ANKRD30B: variants seen among roughly 807,000 people sequenced by gnomAD.
ANKRD30B encodes ankyrin repeat domain-containing protein 30B.
In ANKRD30B, 144 loss-of-function variants were observed where a neutral mutation model predicts 202.2. That is an observed-to-expected ratio of 0.71 (90% CI 0.62 to 0.82). The LOEUF (loss-of-function observed/expected upper bound fraction) is 0.82, where lower values mean the gene tolerates loss of function less well. Among genes scored for constraint, ANKRD30B ranks in the 40% least tolerant of loss-of-function variants. The probability of loss-of-function intolerance (pLI) is 0.00; values close to 1 mark genes in which losing one functional copy is unlikely to be tolerated. For synonymous variants in ANKRD30B, 508 were observed against 561.3 expected, an observed-to-expected ratio of 0.91 and a Z score of 1.34; for missense variants, 1,487 against 1,669.1, an observed-to-expected ratio of 0.89 and a Z score of 1.90.
At chr18:14,772,877 G>A (rs1281270435) in intron 9 of ANKRD30B, among the ~76,000 whole-genome samples, 4 of 152,190 alleles carry the variant, frequency 2.6e-5, no homozygotes, top group Non-Finnish European at 5.9e-5. Context: ...AGCTACCAGG[G>A]AGGCTGATGC....
the ANKRD30B span, among the ~76,000 whole-genome samples, chr18:14,926,147 T>C: frequency 6.6e-6 from 1 of 152,140 alleles, no homozygotes; most frequent in Non-Finnish European, 1.5e-5. Flanking sequence ...TCTGCGGCAG[T>C]TGGAGTCCCG....
chr18:14,785,399 A>C (rs1211474356), intron 14 of ANKRD30B, among the ~76,000 whole-genome samples: 1 of 152,222 alleles, frequency 6.6e-6, no homozygotes, highest in African/African-American at 2.4e-5. Flanking sequence ...GGTTGTTTAT[A>C]AAATTCCATT....
chr18:14,755,154 A>T (rs1268981508), intron 4 of ANKRD30B, 149 bp downstream of exon 4: 1 of 501,434 alleles, frequency 2.0e-6, no homozygotes. Context: ...GAAGAAAAGC[A>T]ATTATTTGGA....
the ANKRD30B span, among the ~76,000 whole-genome samples, chr18:14,883,116 C>G: frequency 6.6e-6 from 1 of 152,020 alleles, no homozygotes. Context: ...TAAGCCCTTT[C>G]AAGGTGTTTA....
At position 14,798,184 on chromosome 18, in the gene ANKRD30B, G is replaced by A. The variant is rs193155433; in HGVS notation, c.2029+330G>A. ...GAAAGCTGTGTCCAGGAGAATCACC[G>A]CCTTGTCGTCCCGTGGTGCCAACAA... On this transcript the variant is annotated intron_variant, in intron 20 of 43. Transcript: ENST00000690538. 6.2e-3 allele frequency among the ~76,000 whole-genome samples: 930 copies of A among 149,486 alleles called. 12 individuals are homozygous for A. The highest frequency in any genetic ancestry group is 8.7e-3 in the Non-Finnish European group (586 of 67,690).
At chr18:14,796,760 C>T (rs551777032) in intron 18 of ANKRD30B, among the ~76,000 whole-genome samples, 2 of 140,580 alleles carry the variant, frequency 1.4e-5, no homozygotes, top group African/African-American at 5.4e-5. Flanking sequence ...CTTGTCGTCC[C>T]GTAGTGCCAA....
chr18:14,817,037 G>GC (rs1268242675), intron 30 of ANKRD30B: 2 of 152,002 alleles, frequency 1.3e-5, no homozygotes, highest in African/African-American at 4.8e-5. Flanking sequence ...TGCACATTGT[G>GC]CACATGTACC....
intron 15 of ANKRD30B, among the ~76,000 whole-genome samples, chr18:14,791,175 G>T (rs1006169090): frequency 4.7e-4 from 71 of 152,182 alleles, no homozygotes; most frequent in African/African-American, 1.7e-3. Flanking sequence ...TAGTTTATTT[G>T]TGTAGAGGTG....
chr18:14,890,996 A>T, the ANKRD30B span, among the ~76,000 whole-genome samples: 1 of 152,094 alleles, frequency 6.6e-6, no homozygotes, highest in African/African-American at 2.4e-5. Flanking sequence ...CACTAAATAA[A>T]GTAAAATCTC....
At chr18:14,821,046 T>C (rs1970388723) in intron 30 of ANKRD30B, among the ~76,000 whole-genome samples, 3 of 152,332 alleles carry the variant, frequency 2.0e-5, no homozygotes, top group Admixed American at 6.5e-5. Context: ...TCAGATCCTG[T>C]TATTGTTCTA....
the ANKRD30B span, among the ~76,000 whole-genome samples, chr18:14,916,315 A>T: frequency 6.6e-6 from 1 of 152,078 alleles, no homozygotes; most frequent in African/African-American, 2.4e-5. Flanking sequence ...TTCTCCTGTG[A>T]ATGGCCACAG....
the ANKRD30B span, among the ~76,000 whole-genome samples, chr18:14,929,133 C>A: frequency 2.6e-5 from 4 of 152,346 alleles, no homozygotes; most frequent in East Asian, 5.8e-4. Flanking sequence ...TTCCACCCTG[C>A]GTGGCTCTCA....
chr18:14,825,173 C>T (rs1437237818), intron 32 of ANKRD30B: 1 of 152,208 alleles, frequency 6.6e-6, no homozygotes, highest in African/African-American at 2.4e-5. Flanking sequence ...CAGTTCTTTT[C>T]ACCTTCATAT....
At chr18:14,768,398 C>T (rs773426419) in intron 7 of ANKRD30B, among the ~76,000 whole-genome samples, 2 of 152,112 alleles carry the variant, frequency 1.3e-5, no homozygotes, top group East Asian at 1.9e-4. Flanking sequence ...CACTCTAGTA[C>T]GTTAATCAAA....
the ANKRD30B span, among the ~76,000 whole-genome samples, chr18:14,891,384 A>G: frequency 6.9e-6 from 1 of 145,294 alleles, no homozygotes; most frequent in Non-Finnish European, 1.5e-5. Context: ...TGTTCCCAAT[A>G]TACTATACTT....
chr18:14,794,645 G>A (rs890185219), intron 16 of ANKRD30B, among the ~76,000 whole-genome samples: 5 of 152,084 alleles, frequency 3.3e-5, no homozygotes, highest in Non-Finnish European at 7.4e-5. Context: ...TAATTAAAGC[G>A]GGTTTTTATT....
intron 6 of ANKRD30B, among the ~76,000 whole-genome samples, chr18:14,762,163 TGA>T (rs1287448416): frequency 1.3e-5 from 2 of 152,152 alleles, no homozygotes; most frequent in Non-Finnish European, 2.9e-5. Flanking sequence ...TTGAGTAGTC[TGA>T]TAAGGAGAAG....
At chr18:14,837,408 A>G (rs1971226159) in intron 35 of ANKRD30B, 119 bp downstream of exon 35, 6 of 950,498 alleles carry the variant, frequency 6.3e-6, no homozygotes, top group Admixed American at 3.2e-5. Flanking sequence ...AGCCCAAAAT[A>G]CAATGTCTAC....
intron 9 of ANKRD30B, among the ~76,000 whole-genome samples, chr18:14,772,449 G>A (rs34785090): frequency 0.13 from 20,365 of 151,366 alleles, 1,604 homozygotes; most frequent in South Asian, 0.25. Flanking sequence ...TGTGAGGGCC[G>A]AAAAATGGAA....
Sources: gnomAD v4.1 joint callset for allele counts (sites outside exome capture counted in the v4.1 genomes callset) on GRCh38, gnomAD v4.1.1 for gene constraint, MANE v1.5 for transcripts, NCBI Gene and HGNC (gene_info 2026-07-23, HGNC 2026-07-21) for gene names.